Variants in VPS33B observed in about 807,000 individuals in gnomAD.
The protein encoded by VPS33B is vacuolar protein sorting-associated protein 33B.
VPS33B carries 80 observed loss-of-function variants against 95.3 expected under a neutral mutation model. The ratio of observed to expected loss-of-function variants is 0.84; its 90% CI spans 0.70 to 1.01. VPS33B has a LOEUF of 1.01. Among genes scored for constraint, VPS33B ranks in the 50% least tolerant of loss-of-function variants. VPS33B has a pLI of 0.00. For synonymous variants in VPS33B, 280 were observed against 280.4 expected (o/e 1.00, Z 0.01); for missense variants, 715 against 773.4 (o/e 0.92, Z 0.90).
intron 16 of VPS33B, among the ~76,000 whole-genome samples, chr15:91,003,657 C>G (rs1343181258): frequency 6.6e-6 from 1 of 152,096 alleles, no homozygotes; most frequent in Non-Finnish European, 1.5e-5. Context: ...TCAGGCTGGT[C>G]TCCAACTCCT....
At position 91,006,990 on chromosome 15, in the gene VPS33B, G is replaced by A. The variant is rs2040627842; in HGVS notation, c.660C>T (p.Gly220=). 6.2e-7 allele frequency: 1 copy of A among 1,613,990 alleles called. No homozygotes were observed. Among genetic ancestry groups the A allele is most frequent in the African/African-American group, 1.3e-5 (1 of 75,040 alleles). The part of the protein sequence containing the change: ...LEEEEDGETK[G]RRPEIGHIFL... ...AGATATGTCCAATCTCTGGCCTTCG[G>A]CCCTTGGTTTCGCCATCCTCCTCCT... The change falls in exon 9 of 23, where the codon GGC becomes GGT. Residue 220 remains glycine (G), a synonymous_variant. Coordinates refer to ENST00000333371, the MANE Select transcript of VPS33B (RefSeq NM_018668.5). The surrounding 1 kb of genome is among the most constrained non-coding windows in gnomAD (Gnocchi z 5.4).
Position 91,014,395 on chromosome 15 carries a change from C to G in VPS33B, c.278G>C (p.Arg93Pro). 6.2e-7 allele frequency: 1 copy of G among 1,613,934 alleles called. No individual in the cohort carries two copies. Among genetic ancestry groups the G allele is most frequent in the South Asian group, 1.1e-5 (1 of 91,052 alleles). ...FLVRPRIKNM[R>P]YIASLVNADK... ...CATGGCACACTCACTGGCAATGTAT[C>G]GCATATTCTTGATGCGGGGTCTGAC... The change falls in exon 4 of 23, where the codon CGA (arginine) becomes CCA (proline). Residue 93 changes from arginine (R) to proline (P), a missense_variant. Coordinates refer to ENST00000333371, the MANE Select transcript of VPS33B (RefSeq NM_018668.5).
chr15:91,004,857 C>G lies in VPS33B; in HGVS notation c.1225+20G>C, dbSNP rs1225970902. On this transcript the variant is annotated intron_variant, in intron 16 of 22. Coordinates refer to ENST00000333371, the MANE Select transcript of VPS33B (RefSeq NM_018668.5). ...TAGTTTCTCAATCTGACATTCTCAT[C>G]TTCAGTCTTTTGGGCTCACCATTCT... is the stretch of plus-strand genomic sequence containing the variant. 3 of 1,614,048 alleles carry G rather than the reference C, an allele frequency of 1.9e-6. No individual in the cohort carries two copies. The highest frequency in any genetic ancestry group is 2.5e-6 in the Non-Finnish European group (3 of 1,180,004).
At chr15:91,014,091 C>T (rs2040854123) in intron 4 of VPS33B, among the ~76,000 whole-genome samples, 2 of 152,086 alleles carry the variant, frequency 1.3e-5, no homozygotes, top group South Asian at 2.1e-4. Context: ...TGGTGGTGGG[C>T]ACCTGTAATC....
At chr15:91,008,359 G>A (rs1277439646) in intron 6 of VPS33B, among the ~76,000 whole-genome samples, 2 of 152,196 alleles carry the variant, frequency 1.3e-5, no homozygotes, top group Non-Finnish European at 2.9e-5. Flanking sequence ...CCGCCTCCTG[G>A]GTTCAAGCAA....
In VPS33B at chr15:91,015,120, G is replaced by A. The variant is rs1390523571; in HGVS notation, c.240-687C>T. Among the ~76,000 whole-genome samples the A allele has an allele frequency of 2.0e-5, 3 of 151,960 alleles. No homozygotes were observed. Among genetic ancestry groups the A allele is most frequent in the African/African-American group, 7.3e-5 (3 of 41,336 alleles). The stretch of plus-strand genomic sequence containing the variant: ...GGAGGCAGAGGCGGGTGGATCACCT[G>A]AGGTCAGGAGTTTGAGACCAGCCCA... On this transcript the variant is annotated intron_variant, in intron 3 of 22. Transcript: ENST00000333371. The surrounding 1 kb of genome is among the most constrained non-coding windows in gnomAD (Gnocchi z 4.7).
chr15:91,016,952 CAG>C lies in VPS33B; in HGVS notation c.239+9_239+10del. The C allele has an allele frequency of 6.2e-7, 1 of 1,613,826 alleles. No individual in the cohort carries two copies. The highest frequency in any genetic ancestry group is 8.5e-7 in the Non-Finnish European group (1 of 1,179,812). On this transcript the variant is annotated intron_variant, in intron 3 of 22. Coordinates refer to ENST00000333371, the MANE Select transcript of VPS33B (RefSeq NM_018668.5). Reference sequence around the variant, plus strand: ...AGCTTGGAGTAGGGACAGACTCTCCCAGACACTCACTGTTCATTGGAGCTGAG... The same window carrying C: ...AGCTTGGAGTAGGGACAGACTCTCCCACACTCACTGTTCATTGGAGCTGAG...
intron 3 of VPS33B, 27 bp downstream of exon 3, chr15:91,016,936 T>C (rs1438701067): frequency 6.2e-7 from 1 of 1,612,368 alleles, no homozygotes. Context: ...CAGCTTGGAG[T>C]AGGGACAGAC....
chr15:91,017,915 C>G, intron 1 of VPS33B, 30 bp from the exon 2 acceptor site: 1 of 1,610,596 alleles, frequency 6.2e-7, no homozygotes, highest in East Asian at 2.2e-5. Flanking sequence ...TTGGGTCACT[C>G]ACAGGTCACA....
At chr15:91,019,413 G>A (rs754786104) in intron 1 of VPS33B, among the ~76,000 whole-genome samples, 3 of 152,038 alleles carry the variant, frequency 2.0e-5, no homozygotes, top group Non-Finnish European at 4.4e-5. Flanking sequence ...GAGCCACCAC[G>A]TTTGGCCTTT....
chr15:91,016,725 G>T (rs1262696869), intron 3 of VPS33B, among the ~76,000 whole-genome samples: 1 of 152,110 alleles, frequency 6.6e-6, no homozygotes, highest in Non-Finnish European at 1.5e-5. Context: ...AAATAATTTT[G>T]AAAGATTAGT....
Position 91,013,077 on chromosome 15 carries a change from T to A in VPS33B, c.357+727A>T, listed in dbSNP as rs2040823640. Among the ~76,000 whole-genome samples the A allele has an allele frequency of 6.6e-6, 1 of 152,140 alleles. No individual in the cohort carries two copies. Among genetic ancestry groups the A allele is most frequent in the Non-Finnish European group, 1.5e-5 (1 of 68,022 alleles). On this transcript the variant is annotated intron_variant, in intron 5 of 22. Transcript: ENST00000333371. This position sits in a 1 kb window ranked among gnomAD's most constrained non-coding sequence, Gnocchi z 4.5. ...TTTATCGTATTTATTCTTAAAGGGA[T>A]ACAGGGAGAAAGTCACTGGAAAGCC...
At position 91,001,379 on chromosome 15, in the gene VPS33B, T is replaced by C. The variant is rs1284730304; in HGVS notation, c.1479+10A>G. 6.2e-7 allele frequency: 1 copy of C among 1,611,804 alleles called. No individual in the cohort carries two copies. The highest frequency in any genetic ancestry group is 2.2e-5 in the East Asian group (1 of 44,864). On this transcript the variant is annotated intron_variant, in intron 19 of 22. Transcript: ENST00000333371. The stretch of plus-strand genomic sequence containing the variant: ...CCACTGTCTCCCCTAACCATCCCTG[T>C]TCCACATACCAAATTCAGCTTTTTG...
Position 91,022,307 on chromosome 15 carries a change from C to A in VPS33B, c.-58G>T, listed in dbSNP as rs1658941517. On this transcript the variant is annotated 5_prime_UTR_variant, in exon 1 of 23. Coordinates refer to ENST00000333371, the MANE Select transcript of VPS33B (RefSeq NM_018668.5). ...ACGCCCTTCGTTCTGAGAAGGCCGG[C>A]CGCAGCCCAGGGAAGCGCAAGGGGG... is the stretch of plus-strand genomic sequence containing the variant. 2.7e-6 allele frequency: 4 copies of A among 1,495,430 alleles called. No individual in the cohort carries two copies. Among genetic ancestry groups the A allele is most frequent in the Admixed American group, 2.1e-5 (1 of 47,410 alleles). 92.6% of individuals were successfully genotyped at this position (1,495,430 alleles called of 1,614,324 possible).
chr15:91,005,693 C>A lies in VPS33B; in HGVS notation c.1030+1G>T, dbSNP rs774653538. On this transcript the variant is annotated splice_donor_variant, in intron 13 of 22. Transcript: ENST00000333371. LOFTEE classifies it high-confidence loss of function. The surrounding 1 kb of genome is among the most constrained non-coding windows in gnomAD (Gnocchi z 6.4). ...CTCACGCCCCTCAAGCTGAAACCTACGGAGACTCAGCAGGCGGTGCTCCTG... is the reference window on the plus strand; with the variant it reads ...CTCACGCCCCTCAAGCTGAAACCTAAGGAGACTCAGCAGGCGGTGCTCCTG... 6.2e-7 allele frequency: 1 copy of A among 1,614,124 alleles called. No homozygotes were observed. The highest frequency in any genetic ancestry group is 2.2e-5 in the East Asian group (1 of 44,880).
rs2040381366 is a variant in VPS33B at position 90,999,778 on chromosome 15, TCTTC to T, written c.1669_1672del (p.Glu557ThrfsTer41). On this transcript the variant is annotated frameshift_variant, in exon 22 of 23. Coordinates refer to ENST00000333371, the MANE Select transcript of VPS33B (RefSeq NM_018668.5). LOFTEE classifies it high-confidence loss of function. This position sits in a 1 kb window ranked among gnomAD's most constrained non-coding sequence, Gnocchi z 5.1. ...GCGCAGGGACTCACTGGAAGCCTTG[TCTTC>T]CTTAGTCATATCTGTGAGGATCAGA... is the stretch of plus-strand genomic sequence containing the variant. 6.2e-7 allele frequency: 1 copy of T among 1,613,994 alleles called. No individual in the cohort carries two copies. Among genetic ancestry groups the T allele is most frequent in the African/African-American group, 1.3e-5 (1 of 74,926 alleles).
In VPS33B at chr15:91,002,793, C is replaced by G. The variant is rs1016429273; in HGVS notation, c.1272+292G>C. Among the ~76,000 whole-genome samples the G allele has an allele frequency of 1.3e-5, 2 of 152,102 alleles. No homozygotes were observed. Among genetic ancestry groups the G allele is most frequent in the Non-Finnish European group, 2.9e-5 (2 of 68,030 alleles). ...AGGAAAGCTGAATCAATGCCTCACA[C>G]GGTGCTAAAATGAGGGAGACTCCCA... On this transcript the variant is annotated intron_variant, in intron 17 of 22. Coordinates refer to ENST00000333371, the MANE Select transcript of VPS33B (RefSeq NM_018668.5). The surrounding 1 kb of genome is among the most constrained non-coding windows in gnomAD (Gnocchi z 4.7).
In VPS33B at chr15:91,013,027, C is replaced by A. The variant is rs77541728; in HGVS notation, c.357+777G>T. ...CCCAGCCACATCCTTATAAGCATAG[C>A]GGATGGGAAGAGGGAGGGTGATGAT... On this transcript the variant is annotated intron_variant, in intron 5 of 22. Transcript: ENST00000333371. This position sits in a 1 kb window ranked among gnomAD's most constrained non-coding sequence, Gnocchi z 4.5. Among the ~76,000 whole-genome samples, 91 of 152,168 alleles carry A rather than the reference C, an allele frequency of 6.0e-4. No homozygotes were observed. Among genetic ancestry groups the A allele is most frequent in the Non-Finnish European group, 1.2e-3 (79 of 68,016 alleles).
In VPS33B at chr15:91,011,941, A is replaced by G. The variant is rs1281891756; in HGVS notation, c.357+1863T>C. On this transcript the variant is annotated intron_variant, in intron 5 of 22. Transcript: ENST00000333371. This position sits in a 1 kb window ranked among gnomAD's most constrained non-coding sequence, Gnocchi z 5.5. ...GAGGCGGAGGTTGCAGTGAGTCGAG[A>G]TTGCGGCACTGCACTCCAGTCTGGG... 6.6e-6 allele frequency among the ~76,000 whole-genome samples: 1 copy of G among 152,096 alleles called. No homozygotes were observed. The highest frequency in any genetic ancestry group is 3.2e-3 in the Middle Eastern group (1 of 316).
Sources: gnomAD v4.1 joint callset for allele counts (sites outside exome capture counted in the v4.1 genomes callset) on GRCh38, gnomAD v4.1.1 for gene constraint, Gnocchi (gnomAD v3.1) non-coding constraint, MANE v1.5 for transcripts, NCBI Gene and HGNC (gene_info 2026-07-23, HGNC 2026-07-21) for gene names.